POU1F1: variants seen among roughly 807,000 people sequenced by gnomAD.
The protein encoded by POU1F1 is pituitary-specific positive transcription factor 1.
Under a neutral mutation model 32.3 loss-of-function variants are expected in POU1F1, and 23 were observed. That is an observed-to-expected ratio of 0.71 (90% CI 0.51 to 1.01). The LOEUF (loss-of-function observed/expected upper bound fraction) is 1.01. POU1F1 is among the 50% of genes least tolerant of loss of function. The probability of loss-of-function intolerance (pLI) is 0.00; values close to 1 mark genes in which losing one functional copy is unlikely to be tolerated. For missense variants in POU1F1, 323 were observed against 341.6 expected, an observed-to-expected ratio of 0.95 and a Z score of 0.43; for synonymous variants, 120 against 115.6, an observed-to-expected ratio of 1.04 and a Z score of -0.25.
intron 3 of POU1F1, among the ~76,000 whole-genome samples, chr3:87,263,987 A>G (rs1165855072): frequency 6.6e-6 from 1 of 152,034 alleles, no homozygotes; most frequent in East Asian, 1.9e-4. Flanking sequence ...CTTTTGAATC[A>G]TATAAATGTA....
At chr3:87,261,937 G>A in intron 4 of POU1F1, 134 bp downstream of exon 4, 2 of 1,056,368 alleles carry the variant, frequency 1.9e-6, no homozygotes, top group Admixed American at 2.0e-5. Flanking sequence ...ATAACAAAAT[G>A]TTTATTTTTC....
chr3:87,259,728 A>C lies in POU1F1; in HGVS notation c.*166T>G. On this transcript the variant is annotated 3_prime_UTR_variant, in exon 6 of 6. Transcript: ENST00000350375. ...TATTTTAAGTAAATAACATCAATATAATTTAAATTGTTGGTTTCTTTTTTT... is the reference window on the plus strand; with the variant it reads ...TATTTTAAGTAAATAACATCAATATCATTTAAATTGTTGGTTTCTTTTTTT... 1.6e-6 allele frequency: 1 copy of C among 635,670 alleles called. No homozygotes were observed. Among genetic ancestry groups the C allele is most frequent in the Non-Finnish European group, 2.7e-6 (1 of 372,968 alleles). The allele number at this position is 635,670 out of a possible 1,614,324, so 39.4% of individuals were successfully genotyped here. A position where few individuals can be genotyped will look rare whatever the true frequency, so the allele number is the denominator to read the frequency against.
chr3:87,268,686 A>G (rs1454217538), intron 2 of POU1F1, among the ~76,000 whole-genome samples: 1 of 152,222 alleles, frequency 6.6e-6, no homozygotes, highest in African/African-American at 2.4e-5. Context: ...AGGTCTCATC[A>G]ACATTTTCTG....
At chr3:87,271,808 A>G (rs1394309352) in intron 2 of POU1F1, among the ~76,000 whole-genome samples, 1 of 152,134 alleles carries the variant, frequency 6.6e-6, no homozygotes, top group African/African-American at 2.4e-5. Flanking sequence ...CTTAATTTTT[A>G]AAAAAAGACG....
At chr3:87,262,283 T>A (rs760784704) in intron 3 of POU1F1, 48 bp from the exon 4 acceptor site, 4 of 1,607,314 alleles carry the variant, frequency 2.5e-6, no homozygotes, top group African/African-American at 2.7e-5. Flanking sequence ...CCAGGAAATG[T>A]TAATTTTGGT....
Position 87,264,325 on chromosome 3 carries a change from C to T in POU1F1, c.402G>A (p.Lys134=). 6.2e-7 allele frequency: 1 copy of T among 1,613,836 alleles called. No individual in the cohort carries two copies. The highest frequency in any genetic ancestry group is 8.5e-7 in the Non-Finnish European group (1 of 1,179,820). Residue 134 remains lysine (K), a synonymous_variant, in exon 3 of 6, where the codon AAG becomes AAA. Transcript: ENST00000350375. ...MDSPEIRELE[K]FANEFKVRRI... The stretch of plus-strand genomic sequence containing the variant: ...GTCTCACTTTAAATTCATTGGCAAA[C>T]TTTTCAAGTTCTCTGATTTCTGGAG...
intron 2 of POU1F1, among the ~76,000 whole-genome samples, 186 bp from the exon 3 acceptor site, chr3:87,264,698 TGTC>T (rs1238269206): frequency 6.6e-6 from 1 of 152,146 alleles, no homozygotes; most frequent in East Asian, 1.9e-4. Context: ...TGAGATTATT[TGTC>T]TTCTACCTTC....
At chr3:87,265,045 T>C (rs1181466670) in intron 2 of POU1F1, among the ~76,000 whole-genome samples, 1 of 152,158 alleles carries the variant, frequency 6.6e-6, no homozygotes, top group East Asian at 1.9e-4. Flanking sequence ...AGTAAAAACT[T>C]GATTTTATTA....
At chr3:87,267,725 A>G (rs1301517541) in intron 2 of POU1F1, among the ~76,000 whole-genome samples, 4 of 152,254 alleles carry the variant, frequency 2.6e-5, no homozygotes, top group South Asian at 2.1e-4. Context: ...CTCCCACCTC[A>G]GCATCCTAAG....
chr3:87,271,757 TAATC>T (rs1375138899), intron 2 of POU1F1, among the ~76,000 whole-genome samples: 4 of 152,160 alleles, frequency 2.6e-5, no homozygotes, highest in African/African-American at 9.6e-5. Context: ...TGATCATAAA[TAATC>T]AATTTTCAGA....
chr3:87,272,191 T>TAC (rs1247811745), intron 2 of POU1F1, among the ~76,000 whole-genome samples: 1 of 151,572 alleles, frequency 6.6e-6, no homozygotes, highest in African/African-American at 2.4e-5. Flanking sequence ...ATCACACACA[T>TAC]ACACACACAC....
At chr3:87,261,202 T>C in intron 5 of POU1F1, 71 bp downstream of exon 5, 1 of 1,139,644 alleles carries the variant, frequency 8.8e-7, no homozygotes, top group African/African-American at 1.5e-5. Flanking sequence ...ACACCTGCAT[T>C]ACACTCAAAT....
chr3:87,269,726 G>A lies in POU1F1; in HGVS notation c.214+3621C>T, dbSNP rs34393346. Among the ~76,000 whole-genome samples the A allele has an allele frequency of 9.8e-3, 1,485 of 152,024 alleles. 26 individuals carry two copies. Among genetic ancestry groups the A allele is most frequent in the African/African-American group, 0.034 (1,414 of 41,470 alleles). On this transcript the variant is annotated intron_variant, in intron 2 of 5. Transcript: ENST00000350375. ...TATCCACTTCTCATGAAAAAGAATT[G>A]GATGCTCATCATCTTGTTTAAGTCC...
At chr3:87,271,373 G>T (rs138425675) in intron 2 of POU1F1, among the ~76,000 whole-genome samples, 20 of 152,290 alleles carry the variant, frequency 1.3e-4, no homozygotes, top group African/African-American at 4.8e-4. Flanking sequence ...AGGCAGGGTG[G>T]GAGTTGGTAG....
At chr3:87,273,467 G>A (rs1706764798) in intron 1 of POU1F1, 49 bp from the exon 2 acceptor site, 2 of 1,609,622 alleles carry the variant, frequency 1.2e-6, no homozygotes, top group African/African-American at 2.7e-5. Flanking sequence ...AAACATTTAG[G>A]AGTTTGGATC....
intron 2 of POU1F1, among the ~76,000 whole-genome samples, chr3:87,264,936 G>A (rs1451542284): frequency 6.6e-6 from 1 of 152,090 alleles, no homozygotes; most frequent in Non-Finnish European, 1.5e-5. Context: ...TGTTTGTTGT[G>A]ATCATGGCAC....
chr3:87,262,045 C>G, intron 4 of POU1F1, 26 bp downstream of exon 4: 1 of 1,613,528 alleles, frequency 6.2e-7, no homozygotes, highest in Non-Finnish European at 8.5e-7. Flanking sequence ...AAACACAGCA[C>G]AGCCTTCAGA....
At chr3:87,266,230 AATTT>A (rs1050505567) in intron 2 of POU1F1, among the ~76,000 whole-genome samples, 21 of 146,942 alleles carry the variant, frequency 1.4e-4, no homozygotes, top group Admixed American at 1.1e-3. Flanking sequence ...TATTTAATTT[AATTT>A]ATTTATATAA....
At chr3:87,262,011 A>G in intron 4 of POU1F1, 60 bp downstream of exon 4, 1 of 1,592,658 alleles carries the variant, frequency 6.3e-7, no homozygotes, top group Non-Finnish European at 8.6e-7. Flanking sequence ...AATCCTACTT[A>G]TTGAAGCCAT....
Sources: gnomAD v4.1 joint callset for allele counts (sites outside exome capture counted in the v4.1 genomes callset) on GRCh38, gnomAD v4.1.1 for gene constraint, MANE v1.5 for transcripts, NCBI Gene and HGNC (gene_info 2026-07-23, HGNC 2026-07-21) for gene names.